The following PGBD2 variants were observed in gnomAD, a reference collection of about 807,000 sequenced individuals.
PGBD2 encodes piggyBac transposable element derived 2, also known as piggyBac transposable element-derived protein 2.
A neutral mutation model predicts 8.1 loss-of-function variants in PGBD2; 6 were observed. That is an observed-to-expected ratio of 0.74 (90% CI 0.40 to 1.46). PGBD2 has a LOEUF of 1.46. PGBD2 is among the 40% of genes most tolerant of loss of function. The probability of loss-of-function intolerance (pLI) is 0.02; values close to 1 mark genes in which losing one functional copy is unlikely to be tolerated. For missense variants in PGBD2, 802 were observed against 739.0 expected (o/e 1.09, Z -0.99); for synonymous variants, 318 against 272.2 (o/e 1.17, Z -1.66).
In PGBD2 at chr1:248,918,687, A is replaced by G. The variant is rs1484361075; in HGVS notation, c.*324A>G. On this transcript the variant is annotated 3_prime_UTR_variant, in exon 3 of 3. Transcript: ENST00000329291. ...AAGAATAATCAAAGGAAAACTTGCA[A>G]GAACAGTAAGAAGACTTTACCATTG... 1 of 169,454 alleles carries G rather than the reference A, an allele frequency of 5.9e-6. No individual in the cohort carries two copies. The highest frequency in any genetic ancestry group is 2.4e-5 in the African/African-American group (1 of 41,564). The allele number at this position is 169,454 out of a possible 1,614,324, so 10.5% of individuals were successfully genotyped here.
the PGBD2 span, among the ~76,000 whole-genome samples, chr1:248,891,221 A>G: frequency 7.2e-5 from 11 of 152,186 alleles, no homozygotes; most frequent in Non-Finnish European, 1.3e-4. Context: ...CACTACATTA[A>G]TGGTTCTCTC....
intron 1 of PGBD2, among the ~76,000 whole-genome samples, chr1:248,908,592 A>G (rs180983604): frequency 1.3e-4 from 20 of 152,004 alleles, no homozygotes; most frequent in African/African-American, 4.1e-4. Flanking sequence ...ATCTCCCTGC[A>G]TCTATGTTGG....
chr1:248,907,342 A>G (rs1040151620), intron 1 of PGBD2, among the ~76,000 whole-genome samples: 6 of 152,212 alleles, frequency 3.9e-5, no homozygotes, highest in African/African-American at 7.2e-5. Flanking sequence ...TTTTTCTCCT[A>G]TCTCAGAATT....
chr1:248,908,087 C>G (rs898859307), intron 1 of PGBD2, among the ~76,000 whole-genome samples: 1 of 152,164 alleles, frequency 6.6e-6, no homozygotes, highest in African/African-American at 2.4e-5. Flanking sequence ...TCAACAAAAC[C>G]AGGATATTAA....
the PGBD2 span, among the ~76,000 whole-genome samples, chr1:248,891,929 C>G: frequency 6.6e-6 from 1 of 152,164 alleles, no homozygotes; most frequent in Admixed American, 6.5e-5. Flanking sequence ...ACAATGAAAA[C>G]TAAGCTCTTT....
chr1:248,927,504 T>C, the PGBD2 span, among the ~76,000 whole-genome samples: 3 of 152,192 alleles, frequency 2.0e-5, no homozygotes, highest in African/African-American at 7.2e-5. Flanking sequence ...ATGTTAAATA[T>C]TTTAAGTTTT....
chr1:248,922,992 C>A (rs1462096556), downstream of PGBD2, among the ~76,000 whole-genome samples: 1 of 151,918 alleles, frequency 6.6e-6, no homozygotes, highest in African/African-American at 2.4e-5. Flanking sequence ...AGGGAGGATT[C>A]CCTCTTTTTC....
the PGBD2 span, among the ~76,000 whole-genome samples, chr1:248,874,795 A>G: frequency 6.6e-6 from 1 of 152,192 alleles, no homozygotes; most frequent in Non-Finnish European, 1.5e-5. Flanking sequence ...TAATTGAAAT[A>G]ATGCCACAAC....
chr1:248,900,743 G>T, the PGBD2 span, among the ~76,000 whole-genome samples: 2 of 152,132 alleles, frequency 1.3e-5, no homozygotes, highest in Admixed American at 6.5e-5. Context: ...TTTGGCCAGG[G>T]CAGTCAGACA....
At chr1:248,882,361 A>C in the PGBD2 span, among the ~76,000 whole-genome samples, 1 of 152,220 alleles carries the variant, frequency 6.6e-6, no homozygotes, top group Non-Finnish European at 1.5e-5. Context: ...TACAGAGATA[A>C]GAATTTACAA....
chr1:248,927,283 C>T, the PGBD2 span, among the ~76,000 whole-genome samples: 4 of 152,044 alleles, frequency 2.6e-5, no homozygotes, highest in African/African-American at 7.3e-5. Flanking sequence ...GAGAGATTCT[C>T]GCACATCTGG....
chr1:248,904,165 C>T (rs1450375724), upstream of PGBD2, among the ~76,000 whole-genome samples: 1 of 151,750 alleles, frequency 6.6e-6, no homozygotes, highest in Non-Finnish European at 1.5e-5. Flanking sequence ...TCATAATACA[C>T]ATAATTTAAA....
At chr1:248,905,862 AG>A (rs1309704686), upstream of PGBD2, among the ~76,000 whole-genome samples, 28 of 152,302 alleles carry the variant, frequency 1.8e-4, no homozygotes, top group African/African-American at 6.5e-4. Context: ...ACACCCTCAG[AG>A]TTTCTTACTC....
At chr1:248,882,496 C>G in the PGBD2 span, among the ~76,000 whole-genome samples, 1 of 152,136 alleles carries the variant, frequency 6.6e-6, no homozygotes, top group African/African-American at 2.4e-5. Context: ...TACAAACAAT[C>G]CATAGAAACA....
the PGBD2 span, among the ~76,000 whole-genome samples, chr1:248,889,161 C>T: frequency 6.6e-6 from 1 of 152,106 alleles, no homozygotes; most frequent in Non-Finnish European, 1.5e-5. Context: ...CCAAGGTGGG[C>T]AGATCATGAG....
At chr1:248,923,442 A>G (rs1045174777), downstream of PGBD2, among the ~76,000 whole-genome samples, 1 of 151,764 alleles carries the variant, frequency 6.6e-6, no homozygotes, top group Non-Finnish European at 1.5e-5. Flanking sequence ...AGGGTTTTTC[A>G]TGTCTCTATC....
chr1:248,913,992 C>A, intron 2 of PGBD2, 113 bp downstream of exon 2: 1 of 913,338 alleles, frequency 1.1e-6, no homozygotes, highest in Non-Finnish European at 1.8e-6. Context: ...AGTTGGTGTC[C>A]AGGAAGTATA....
the PGBD2 span, among the ~76,000 whole-genome samples, chr1:248,888,456 A>G: frequency 2.0e-5 from 3 of 152,082 alleles, no homozygotes; most frequent in African/African-American, 7.2e-5. Context: ...GTGTGAGATG[A>G]TATCTCATTG....
At chr1:248,903,753 G>T (rs957853164), upstream of PGBD2, among the ~76,000 whole-genome samples, 1 of 152,094 alleles carries the variant, frequency 6.6e-6, no homozygotes, top group African/African-American at 2.4e-5. Flanking sequence ...TATCCTGATG[G>T]ACTAATGAGT....
Sources: allele counts gnomAD v4.1 joint callset (sites outside exome capture counted in the v4.1 genomes callset), GRCh38; gene constraint gnomAD v4.1.1; transcripts MANE v1.5; gene names NCBI Gene and HGNC (gene_info 2026-07-23, HGNC 2026-07-21).